The following RGS3 variants were observed in gnomAD, a reference collection of about 807,000 sequenced individuals.
The protein encoded by RGS3 is regulator of G-protein signalling 3.
A neutral mutation model predicts 132.6 loss-of-function variants in RGS3; 80 were observed. The ratio of observed to expected loss-of-function variants is 0.60; its 90% CI spans 0.50 to 0.73. RGS3 has a LOEUF of 0.73. Ranked by LOEUF, RGS3 falls within the 30% of genes least tolerant of loss-of-function variation. RGS3 has a pLI of 0.00. For missense variants in RGS3, 1,382 were observed against 1,530.8 expected, an observed-to-expected ratio of 0.90 and a Z score of 1.62; for synonymous variants, 598 against 620.6, an observed-to-expected ratio of 0.96 and a Z score of 0.54.
chr9:113,596,935 G>A (rs745348786), exon 25 of RGS3: 1 of 1,609,688 alleles, frequency 6.2e-7, no homozygotes, highest in East Asian at 2.2e-5. Flanking sequence ...ACCAGAAGAA[G>A]ATGAGTCCCC....
intron 3 of RGS3, chr9:113,478,935 T>C (rs1830074886): frequency 6.3e-6 from 1 of 158,656 alleles, no homozygotes; most frequent in Non-Finnish European, 1.4e-5. Flanking sequence ...CTATAGATGG[T>C]TTACTTCACT....
At chr9:113,487,100 C>CTTTTTTTTT (rs60523804) in intron 7 of RGS3, among the ~76,000 whole-genome samples, 8 of 116,958 alleles carry the variant, frequency 6.8e-5, no homozygotes, top group Non-Finnish European at 1.1e-4. Context: ...TCATTTAATT[C>CTTTTTTTTT]TTTTTTTTTT....
exon 24 of RGS3, chr9:113,595,666 G>A (rs1835735887): frequency 1.2e-6 from 2 of 1,614,074 alleles, no homozygotes; most frequent in Admixed American, 1.7e-5. Context: ...AGTTCTGGTT[G>A]GCTTGTGAGG....
chr9:113,459,222 A>G (rs1829418927), upstream of RGS3, among the ~76,000 whole-genome samples: 1 of 152,190 alleles, frequency 6.6e-6, no homozygotes, highest in African/African-American at 2.4e-5. Context: ...AAACTACATT[A>G]GCATCATCTG....
At chr9:113,485,932 A>G (rs1294626745) in intron 7 of RGS3, among the ~76,000 whole-genome samples, 2 of 152,222 alleles carry the variant, frequency 1.3e-5, no homozygotes, top group Non-Finnish European at 2.9e-5. Context: ...TGTGCTGGTC[A>G]CTGGGGAAGC....
intron 19 of RGS3, among the ~76,000 whole-genome samples, chr9:113,576,717 T>C (rs1834544585): frequency 6.6e-6 from 1 of 152,196 alleles, no homozygotes; most frequent in African/African-American, 2.4e-5. Flanking sequence ...CCCAGGGTCT[T>C]CCAGGGCTAC....
chr9:113,538,699 G>A (rs1192766985), intron 19 of RGS3, among the ~76,000 whole-genome samples: 1 of 152,208 alleles, frequency 6.6e-6, no homozygotes, highest in Non-Finnish European at 1.5e-5. Context: ...ACACTAGAAT[G>A]TATGGGAATC....
chr9:113,581,013 G>A, intron 19 of RGS3: 4 of 982,930 alleles, frequency 4.1e-6, no homozygotes, highest in Non-Finnish European at 4.8e-6. Flanking sequence ...GAGGCAGGTG[G>A]CTGGGCCAGG....
rs531854597 is a variant in RGS3 at position 113,507,694 on chromosome 9, G to A, written c.1437+56G>A. The A allele has an allele frequency of 2.2e-6, 3 of 1,387,770 alleles. No individual in the cohort carries two copies. The highest frequency in any genetic ancestry group is 2.9e-6 in the Non-Finnish European group (3 of 1,051,760). 86.0% of individuals were successfully genotyped at this position (1,387,770 alleles called of 1,614,324 possible). On this transcript the variant is annotated intron_variant, in intron 13 of 24. Coordinates refer to ENST00000350696, the Ensembl canonical transcript of RGS3. This position sits in a 1 kb window ranked among gnomAD's most constrained non-coding sequence, Gnocchi z 5.0. ...GGTACTGGGTCCCTGTGGGAGGCCAGGAAGACTTGAAGACCCAAAGTTGTG... is the reference window on the plus strand; with the variant it reads ...GGTACTGGGTCCCTGTGGGAGGCCAAGAAGACTTGAAGACCCAAAGTTGTG...
At chr9:113,521,623 A>G (rs961503264) in intron 16 of RGS3, among the ~76,000 whole-genome samples, 5 of 152,238 alleles carry the variant, frequency 3.3e-5, no homozygotes, top group African/African-American at 1.2e-4. Context: ...TGCCGTATGA[A>G]GTTAGCACAA....
intron 16 of RGS3, 29 bp from the exon 15 acceptor site, chr9:113,522,901 C>T: frequency 1.4e-6 from 2 of 1,460,296 alleles, no homozygotes; most frequent in Non-Finnish European, 1.9e-6. Flanking sequence ...AGCAAAGTAG[C>T]CAGTTCTGTT....
chr9:113,520,693 T>G (rs1831910190), intron 16 of RGS3, among the ~76,000 whole-genome samples: 1 of 152,054 alleles, frequency 6.6e-6, no homozygotes, highest in Admixed American at 6.5e-5. Context: ...GAGGGTTTGC[T>G]TTGTGTTTCT....
chr9:113,479,137 C>G (rs1398999345), intron 3 of RGS3: 5 of 247,564 alleles, frequency 2.0e-5, no homozygotes, highest in Non-Finnish European at 3.1e-5. Context: ...TCACTCCTTC[C>G]AACAGAGAAT....
chr9:113,498,398 T>C (rs1011809400), intron 10 of RGS3, among the ~76,000 whole-genome samples: 8 of 152,044 alleles, frequency 5.3e-5, no homozygotes, highest in African/African-American at 1.7e-4. Flanking sequence ...GCCCCCTGCT[T>C]CCCCTGGGAC....
chr9:113,567,753 T>G (rs12338701), intron 19 of RGS3, among the ~76,000 whole-genome samples: 18,207 of 152,204 alleles, frequency 0.12, 1,315 homozygotes, highest in African/African-American at 0.19. Context: ...AGCCCTGGCT[T>G]GTTGAAATGC....
Position 113,537,152 on chromosome 9 carries a change from G to A in RGS3, c.2037+234G>A, listed in dbSNP as rs533810427. On this transcript the variant is annotated intron_variant, in intron 19 of 24. Coordinates refer to ENST00000350696, the Ensembl canonical transcript of RGS3. This position sits in a 1 kb window ranked among gnomAD's most constrained non-coding sequence, Gnocchi z 4.3. ...GTAGAGCGACAGAGCCAAATTAAGCGTGGCCCATCAGTTCTGCACTCTGTT... is the reference window on the plus strand; with the variant it reads ...GTAGAGCGACAGAGCCAAATTAAGCATGGCCCATCAGTTCTGCACTCTGTT... Among the ~76,000 whole-genome samples, 10 of 152,028 alleles carry A rather than the reference G, an allele frequency of 6.6e-5. No individual in the cohort carries two copies. The highest frequency in any genetic ancestry group is 1.9e-4 in the East Asian group (1 of 5,144).
intron 6 of RGS3, among the ~76,000 whole-genome samples, chr9:113,485,067 CTGTG>C (rs1479704971): frequency 6.8e-6 from 1 of 148,144 alleles, no homozygotes; most frequent in Non-Finnish European, 1.5e-5. Context: ...GTGTATATGT[CTGTG>C]TGTGTATGTT....
intron 19 of RGS3, among the ~76,000 whole-genome samples, chr9:113,563,553 G>A (rs566928731): frequency 4.4e-4 from 67 of 152,286 alleles, no homozygotes; most frequent in Admixed American, 2.2e-3. Context: ...GCCATCTCTT[G>A]AGACTCACCT....
rs1007868797 is a variant in RGS3 at position 113,481,902 on chromosome 9, C to T, written c.467-1157C>T. 9.9e-5 allele frequency among the ~76,000 whole-genome samples: 15 copies of T among 152,146 alleles called. 1 individual carries two copies. In the East Asian group the frequency reaches 2.3e-3, roughly 24 times the overall value. ...TCTCCACGAAAAATACAAAATTAGC[C>T]GGGTGTGGTGGCACAAGCCTGTAAT... On this transcript the variant is annotated intron_variant, in intron 4 of 24. Coordinates refer to ENST00000350696, the Ensembl canonical transcript of RGS3.
Sources: gnomAD v4.1 joint callset for allele counts (sites outside exome capture counted in the v4.1 genomes callset) on GRCh38, gnomAD v4.1.1 for gene constraint, Gnocchi (gnomAD v3.1) non-coding constraint, MANE v1.5 for transcripts, NCBI Gene and HGNC (gene_info 2026-07-23, HGNC 2026-07-21) for gene names.